Variants in CNTNAP2 observed in about 807,000 individuals in gnomAD.
CNTNAP2 encodes the protein contactin-associated protein-like 2.
Under a neutral mutation model 155.2 loss-of-function variants are expected in CNTNAP2, and 98 were observed. The ratio of observed to expected loss-of-function variants is 0.63; its 90% CI spans 0.54 to 0.75. The LOEUF (loss-of-function observed/expected upper bound fraction) is 0.75. Among genes scored for constraint, CNTNAP2 ranks in the 30% least tolerant of loss-of-function variants. The probability of loss-of-function intolerance (pLI) is 0.00; values close to 1 mark genes in which losing one functional copy is unlikely to be tolerated. For missense variants in CNTNAP2, 1,727 were observed against 1,688.1 expected (o/e 1.02, Z -0.40); for synonymous variants, 651 against 631.2 (o/e 1.03, Z -0.47).
At chr7:148,394,165 G>A (rs1051037752) in intron 22 of CNTNAP2, among the ~76,000 whole-genome samples, 1 of 151,506 alleles carries the variant, frequency 6.6e-6, no homozygotes, top group Non-Finnish European at 1.5e-5. Flanking sequence ...TGTTTTATTT[G>A]TAAGTTCTAC....
intron 13 of CNTNAP2, among the ~76,000 whole-genome samples, chr7:147,669,249 T>G (rs1795748578): frequency 6.6e-6 from 1 of 152,136 alleles, no homozygotes; most frequent in Non-Finnish European, 1.5e-5. Flanking sequence ...TTACACAAAA[T>G]CTTGTTACTT....
At chr7:146,460,304 G>C (rs184455938) in intron 1 of CNTNAP2, among the ~76,000 whole-genome samples, 11 of 152,226 alleles carry the variant, frequency 7.2e-5, no homozygotes, top group Admixed American at 3.9e-4. Context: ...GGAGAAAAGG[G>C]AATTCTTGTA....
chr7:147,785,931 G>A (rs540803490), intron 13 of CNTNAP2, among the ~76,000 whole-genome samples: 3 of 151,980 alleles, frequency 2.0e-5, no homozygotes, highest in Non-Finnish European at 2.9e-5. Flanking sequence ...TGGGGAGGTT[G>A]CAATGAGCCA....
At chr7:147,884,696 C>A (rs1053927698) in intron 13 of CNTNAP2, among the ~76,000 whole-genome samples, 1 of 152,102 alleles carries the variant, frequency 6.6e-6, no homozygotes, top group African/African-American at 2.4e-5. Context: ...ATATGTGTCC[C>A]TTTTACCCAC....
chr7:146,500,699 C>T (rs552216261), intron 1 of CNTNAP2, among the ~76,000 whole-genome samples: 49 of 152,180 alleles, frequency 3.2e-4, no homozygotes, highest in South Asian at 1.0e-3. Flanking sequence ...CTTCTAATTT[C>T]GGTACCTTTG....
intron 1 of CNTNAP2, among the ~76,000 whole-genome samples, chr7:146,388,092 AT>A (rs895706762): frequency 8.3e-4 from 108 of 129,890 alleles, no homozygotes; most frequent in African/African-American, 2.1e-3. Context: ...GTTTCTTTTT[AT>A]TTTTTTTTTA....
intron 14 of CNTNAP2, among the ~76,000 whole-genome samples, chr7:147,917,332 A>G (rs1163365707): frequency 2.0e-5 from 3 of 152,230 alleles, no homozygotes; most frequent in East Asian, 1.9e-4. Context: ...GTTAAGCTGC[A>G]TATAACAGAA....
intron 1 of CNTNAP2, among the ~76,000 whole-genome samples, chr7:146,643,386 AGTTTTCC>A (rs1455563522): frequency 2.0e-5 from 3 of 152,046 alleles, no homozygotes; most frequent in Admixed American, 2.0e-4. Context: ...ATGGCTAGCC[AGTTTTCC>A]CAGCACCATT....
intron 1 of CNTNAP2, among the ~76,000 whole-genome samples, chr7:146,505,977 A>G (rs1797378321): frequency 6.6e-6 from 1 of 152,202 alleles, no homozygotes; most frequent in Non-Finnish European, 1.5e-5. Context: ...AGTCCCTTAT[A>G]TCACTCAATA....
At chr7:146,322,828 A>G (rs1378861583) in intron 1 of CNTNAP2, among the ~76,000 whole-genome samples, 2 of 151,710 alleles carry the variant, frequency 1.3e-5, no homozygotes, top group Admixed American at 6.6e-5. Flanking sequence ...TGGATGGTTT[A>G]TCGCATGATA....
chr7:146,171,109 TTG>T (rs990348819), intron 1 of CNTNAP2, among the ~76,000 whole-genome samples: 50 of 152,172 alleles, frequency 3.3e-4, no homozygotes, highest in Non-Finnish European at 2.4e-4. Flanking sequence ...TCTGGATTTT[TTG>T]TGTGTTTGTT....
At chr7:147,468,927 G>A (rs1325517255) in intron 10 of CNTNAP2, among the ~76,000 whole-genome samples, 3 of 150,990 alleles carry the variant, frequency 2.0e-5, no homozygotes, top group African/African-American at 2.4e-5. Flanking sequence ...TGCAACCTCC[G>A]CCTCCTGGGT....
At chr7:146,662,630 T>A (rs1800112317) in intron 1 of CNTNAP2, among the ~76,000 whole-genome samples, 1 of 152,086 alleles carries the variant, frequency 6.6e-6, no homozygotes, top group Admixed American at 6.5e-5. Flanking sequence ...TTTATCAGTG[T>A]TTTTCCTGAC....
At chr7:147,531,931 C>T (rs936743057) in intron 11 of CNTNAP2, among the ~76,000 whole-genome samples, 2 of 151,736 alleles carry the variant, frequency 1.3e-5, no homozygotes, top group Admixed American at 6.6e-5. Flanking sequence ...CTCAGCCTCC[C>T]GAGTAGCTGG....
chr7:147,624,480 T>C (rs998088261), intron 12 of CNTNAP2, among the ~76,000 whole-genome samples: 2 of 152,074 alleles, frequency 1.3e-5, no homozygotes, highest in Non-Finnish European at 2.9e-5. Context: ...AAAGAAGACA[T>C]ACAAATGGCA....
chr7:146,852,381 A>T (rs534669487), intron 3 of CNTNAP2, among the ~76,000 whole-genome samples: 1 of 152,236 alleles, frequency 6.6e-6, no homozygotes, highest in African/African-American at 2.4e-5. Context: ...CTCTGCAATC[A>T]TTTATTTACA....
At chr7:148,105,689 G>A (rs1034007294) in intron 15 of CNTNAP2, among the ~76,000 whole-genome samples, 2 of 151,956 alleles carry the variant, frequency 1.3e-5, no homozygotes, top group African/African-American at 2.4e-5. Flanking sequence ...CCAGGTTCAA[G>A]TGATTCTCCT....
At chr7:147,931,505 G>A (rs559564980) in intron 14 of CNTNAP2, among the ~76,000 whole-genome samples, 146 of 152,160 alleles carry the variant, frequency 9.6e-4, no homozygotes, top group African/African-American at 3.3e-3. Flanking sequence ...AATACTACAG[G>A]CCAATATCCC....
At chr7:146,323,965 A>C (rs1801050952) in intron 1 of CNTNAP2, among the ~76,000 whole-genome samples, 1 of 152,142 alleles carries the variant, frequency 6.6e-6, no homozygotes, top group South Asian at 2.1e-4. Flanking sequence ...TTTTTGTCTC[A>C]AGTATTTATT....
Sources: allele counts gnomAD v4.1 joint callset (sites outside exome capture counted in the v4.1 genomes callset), GRCh38; gene constraint gnomAD v4.1.1; transcripts MANE v1.5; gene names NCBI Gene and HGNC (gene_info 2026-07-23, HGNC 2026-07-21).